Variants in SH2D4B observed in about 807,000 individuals in gnomAD.
The protein encoded by SH2D4B is SH2 domain containing 4B, also known as SH2 domain-containing protein 4B.
SH2D4B carries 45 observed loss-of-function variants against 61.5 expected under a neutral mutation model. The observed-to-expected ratio is 0.73, with a 90% CI of 0.58 to 0.94. The LOEUF is 0.94. Among genes scored for constraint, SH2D4B ranks in the 40% least tolerant of loss-of-function variants. The pLI is 0.00. For synonymous variants in SH2D4B, 224 were observed against 220.4 expected (o/e 1.02, Z -0.14); for missense variants, 572 against 574.2 (o/e 1.00, Z 0.04).
chr10:80,572,773 C>T (rs916721464), intron 3 of SH2D4B, among the ~76,000 whole-genome samples: 1 of 150,672 alleles, frequency 6.6e-6, no homozygotes, highest in African/African-American at 2.4e-5. Context: ...GCGTGCATCA[C>T]CATGCCCGGC....
At chr10:80,600,531 G>A (rs1842440243) in intron 4 of SH2D4B, among the ~76,000 whole-genome samples, 1 of 120,804 alleles carries the variant, frequency 8.3e-6, no homozygotes, top group South Asian at 2.9e-4. Context: ...ATGTGTGTGT[G>A]TGTGTGTGTG....
chr10:80,538,361 C>A lies in SH2D4B; in HGVS notation c.30C>A (p.Tyr10Ter), dbSNP rs1483551704. Reference protein sequence around the residue: MLQQILHDMYIDPELLAELS... With the variant: MLQQILHDM ...TGCAGCAGATCCTGCACGACATGTA[C>A]ATCGACCCCGAGCTCCTTGCCGAGC... Residue 10 changes from tyrosine (Y) to a stop codon, truncating the protein, a stop_gained, in exon 1 of 8, where the codon TAC (tyrosine) becomes TAA (stop). Transcript: ENST00000646907. LOFTEE classifies it high-confidence loss of function. This position sits in a 1 kb window ranked among gnomAD's most constrained non-coding sequence, Gnocchi z 4.8. 7.2e-6 allele frequency: 10 copies of A among 1,391,932 alleles called. No individual in the cohort carries two copies. The highest frequency in any genetic ancestry group is 9.4e-6 in the Non-Finnish European group (10 of 1,067,744). The allele number at this position is 1,391,932 out of a possible 1,614,324, so 86.2% of individuals were successfully genotyped here. A position where few individuals can be genotyped will look rare whatever the true frequency, so the allele number is the denominator to read the frequency against.
intron 3 of SH2D4B, among the ~76,000 whole-genome samples, chr10:80,586,444 C>T (rs1033637243): frequency 6.6e-6 from 1 of 152,174 alleles, no homozygotes; most frequent in Admixed American, 6.5e-5. Flanking sequence ...CCTGTCAGCA[C>T]CCTGTGTCTA....
chr10:80,559,184 T>C (rs993298652), intron 1 of SH2D4B, among the ~76,000 whole-genome samples: 6 of 152,208 alleles, frequency 3.9e-5, no homozygotes, highest in African/African-American at 1.4e-4. Flanking sequence ...TTAGCTTTTG[T>C]CTTCATTTGT....
chr10:80,555,691 G>C, intron 1 of SH2D4B, among the ~76,000 whole-genome samples: 1 of 152,182 alleles, frequency 6.6e-6, no homozygotes, highest in Non-Finnish European at 1.5e-5. Context: ...TTTTGTCCTA[G>C]TCGGCCTGAA....
At chr10:80,605,414 A>T (rs1842507748) in intron 5 of SH2D4B, among the ~76,000 whole-genome samples, 1 of 152,090 alleles carries the variant, frequency 6.6e-6, no homozygotes, top group African/African-American at 2.4e-5. Context: ...TTTGTCTGTG[A>T]TAAACATTTT....
At chr10:80,633,162 A>G (rs1046863226) in intron 6 of SH2D4B, among the ~76,000 whole-genome samples, 4 of 151,814 alleles carry the variant, frequency 2.6e-5, no homozygotes, top group Non-Finnish European at 4.4e-5. Context: ...GAGAAGTCAC[A>G]GGTGTGCTGA....
intron 7 of SH2D4B, among the ~76,000 whole-genome samples, chr10:80,639,271 G>T (rs1186502571): frequency 1.3e-5 from 2 of 152,188 alleles, no homozygotes; most frequent in Non-Finnish European, 2.9e-5. Flanking sequence ...TGTTGATTTG[G>T]GATGGAGAGT....
At chr10:80,587,269 TTTG>T (rs1041872651) in intron 3 of SH2D4B, among the ~76,000 whole-genome samples, 47 of 151,138 alleles carry the variant, frequency 3.1e-4, no homozygotes, top group African/African-American at 9.2e-4. Context: ...AACTCTTGTT[TTTG>T]TTGTTGTTGT....
intron 6 of SH2D4B, among the ~76,000 whole-genome samples, chr10:80,613,776 C>T (rs1297134920): frequency 6.6e-6 from 1 of 152,198 alleles, no homozygotes; most frequent in Non-Finnish European, 1.5e-5. Context: ...TGCGAGAGCT[C>T]CAAAGTAGAA....
chr10:80,566,029 T>C (rs1360723533), intron 1 of SH2D4B, among the ~76,000 whole-genome samples: 1 of 129,468 alleles, frequency 7.7e-6, no homozygotes, highest in African/African-American at 2.9e-5. Flanking sequence ...AGGCGGAGCT[T>C]GCAGTGAGCT....
At chr10:80,576,685 A>G (rs377605234) in intron 3 of SH2D4B, among the ~76,000 whole-genome samples, 207 of 152,338 alleles carry the variant, frequency 1.4e-3, no homozygotes, top group African/African-American at 4.9e-3. Context: ...GAGAGGTAGG[A>G]TCTATTCCCC....
At chr10:80,625,485 A>G (rs1299066529) in intron 6 of SH2D4B, among the ~76,000 whole-genome samples, 5 of 152,132 alleles carry the variant, frequency 3.3e-5, no homozygotes, top group African/African-American at 9.7e-5. Flanking sequence ...TGCTATGTAA[A>G]TAGTTGTAAT....
intron 6 of SH2D4B, among the ~76,000 whole-genome samples, chr10:80,615,987 C>T (rs563667100): frequency 1.0e-3 from 154 of 152,126 alleles, no homozygotes; most frequent in Non-Finnish European, 2.0e-3. Flanking sequence ...CATCAGGAAC[C>T]GAGGCACGTG....
chr10:80,626,517 C>CTA (rs1009981188), intron 6 of SH2D4B, among the ~76,000 whole-genome samples: 5 of 152,180 alleles, frequency 3.3e-5, no homozygotes, highest in African/African-American at 1.2e-4. Context: ...GACTCGGATT[C>CTA]TATATATGTT....
chr10:80,560,686 G>A (rs759515714), intron 1 of SH2D4B, among the ~76,000 whole-genome samples: 4 of 141,264 alleles, frequency 2.8e-5, no homozygotes, highest in South Asian at 4.4e-4. Context: ...CACCGTTCCT[G>A]GCCAAGCTTT....
chr10:80,613,565 C>A (rs1318518936), intron 6 of SH2D4B, among the ~76,000 whole-genome samples: 1 of 152,222 alleles, frequency 6.6e-6, no homozygotes, highest in African/African-American at 2.4e-5. Flanking sequence ...CTCCATGTGA[C>A]CCTGCTCAGG....
chr10:80,543,449 C>T (rs181324039), intron 1 of SH2D4B, among the ~76,000 whole-genome samples: 3 of 152,294 alleles, frequency 2.0e-5, no homozygotes, highest in Admixed American at 1.3e-4. Context: ...TGCCTTCCCG[C>T]GGCGCAGGGC....
chr10:80,546,729 A>G (rs1271596963), intron 1 of SH2D4B, among the ~76,000 whole-genome samples: 2 of 150,946 alleles, frequency 1.3e-5, no homozygotes, highest in South Asian at 2.1e-4. Context: ...GGGTTTCACC[A>G]TGTTAGTCAG....
Sources: gnomAD v4.1 joint callset for allele counts (sites outside exome capture counted in the v4.1 genomes callset) on GRCh38, gnomAD v4.1.1 for gene constraint, Gnocchi (gnomAD v3.1) non-coding constraint, MANE v1.5 for transcripts, NCBI Gene and HGNC (gene_info 2026-07-23, HGNC 2026-07-21) for gene names.